MEGF10: variants seen among roughly 807,000 people sequenced by gnomAD.
MEGF10 encodes the protein multiple epidermal growth factor-like domains protein 10.
Under a neutral mutation model 147.5 loss-of-function variants are expected in MEGF10, and 86 were observed. The ratio of observed to expected loss-of-function variants is 0.58; its 90% CI spans 0.49 to 0.70. The LOEUF is 0.70. Ranked by LOEUF, MEGF10 falls within the 30% of genes least tolerant of loss-of-function variation. The pLI is 0.00. For missense variants in MEGF10, 1,329 were observed against 1,487.3 expected (o/e 0.89, Z 1.75); for synonymous variants, 478 against 525.5 (o/e 0.91, Z 1.24).
chr5:127,444,785 G>C (rs978540483), intron 19 of MEGF10: 2 of 152,468 alleles, frequency 1.3e-5, no homozygotes, highest in Non-Finnish European at 2.9e-5. Flanking sequence ...AATATCTTCT[G>C]AGGTAAAAGA....
chr5:127,349,960 A>G (rs934819112), intron 4 of MEGF10, among the ~76,000 whole-genome samples: 36 of 152,182 alleles, frequency 2.4e-4, no homozygotes, highest in African/African-American at 8.0e-4. Flanking sequence ...CCTAAGTACC[A>G]TGATAACTGA....
At chr5:127,292,111 A>G (rs1207849187) in intron 1 of MEGF10, among the ~76,000 whole-genome samples, 1 of 152,166 alleles carries the variant, frequency 6.6e-6, no homozygotes, top group Non-Finnish European at 1.5e-5. Context: ...TATTATCCAG[A>G]AATGTCATCT....
chr5:127,301,102 C>G (rs775487017), intron 1 of MEGF10, among the ~76,000 whole-genome samples: 7 of 152,174 alleles, frequency 4.6e-5, no homozygotes, highest in Non-Finnish European at 8.8e-5. Flanking sequence ...ATTTCTCTAA[C>G]TGGGATGAGT....
chr5:127,340,922 A>G (rs1455691902), intron 4 of MEGF10, among the ~76,000 whole-genome samples: 1 of 152,148 alleles, frequency 6.6e-6, no homozygotes, highest in Non-Finnish European at 1.5e-5. Flanking sequence ...TAAATGTCTC[A>G]TTGGAAATTG....
chr5:127,360,521 A>G (rs1762431163), intron 4 of MEGF10, among the ~76,000 whole-genome samples: 1 of 151,912 alleles, frequency 6.6e-6, no homozygotes, highest in African/African-American at 2.4e-5. Context: ...ATCATGCTGA[A>G]TAGAAATTGT....
intron 4 of MEGF10, among the ~76,000 whole-genome samples, chr5:127,358,839 T>G (rs1762370108): frequency 6.6e-6 from 1 of 152,104 alleles, no homozygotes; most frequent in Non-Finnish European, 1.5e-5. Context: ...TTTTAGTCCA[T>G]TAAGGTCATG....
At chr5:127,370,958 T>A (rs768506350) in intron 5 of MEGF10, among the ~76,000 whole-genome samples, 1 of 152,232 alleles carries the variant, frequency 6.6e-6, no homozygotes, top group Non-Finnish European at 1.5e-5. Flanking sequence ...CCAAGTAATT[T>A]TTTGAAATTA....
intron 4 of MEGF10, 46 bp downstream of exon 4, chr5:127,340,676 T>G (rs755367117): frequency 1.3e-6 from 2 of 1,514,200 alleles, no homozygotes; most frequent in South Asian, 1.1e-5. Context: ...TTTTTCCCAG[T>G]GCTGGTTTGC....
intron 1 of MEGF10, among the ~76,000 whole-genome samples, chr5:127,325,197 G>T (rs918734793): frequency 6.6e-6 from 1 of 152,124 alleles, no homozygotes; most frequent in Non-Finnish European, 1.5e-5. Context: ...CATAGCTCTT[G>T]TTGGCTTCCT....
chr5:127,290,066 A>G (rs10519929), upstream of MEGF10, among the ~76,000 whole-genome samples: 10,171 of 152,194 alleles, frequency 0.067, 435 homozygotes, highest in African/African-American at 0.12. Context: ...TGGTTTTAAC[A>G]TTCCATCACT....
At chr5:127,357,979 C>A (rs74384421) in intron 4 of MEGF10, among the ~76,000 whole-genome samples, 1 of 152,082 alleles carries the variant, frequency 6.6e-6, no homozygotes, top group Non-Finnish European at 1.5e-5. Context: ...ATCCATGTGG[C>A]CTCTGAAGGC....
chr5:127,453,447 A>T (rs559816549), intron 22 of MEGF10, among the ~76,000 whole-genome samples: 1 of 152,330 alleles, frequency 6.6e-6, no homozygotes, highest in South Asian at 2.1e-4. Context: ...TGAGCGTTAG[A>T]GTAATTGACA....
rs770250098 is a variant in MEGF10 at position 127,410,513 on chromosome 5, G to A, written c.1042G>A (p.Glu348Lys). ...ACLCEAGFAG[E>K]RCEARLCPEG... The stretch of plus-strand genomic sequence containing the variant: ...CCTCTGTGAAGCAGGCTTTGCTGGC[G>A]AGCGCTGCGAAGCACGCCTGTGTCC... Residue 348 changes from glutamate to lysine, a missense_variant, in exon 9 of 25, where the codon GAG becomes AAG. By Grantham distance (56) the Glu-to-Lys change is moderately conservative. This residue lies in a region of MEGF10 where 980 missense variants were observed against 1,085.9 expected (regional missense o/e 0.90). Transcript: ENST00000503335. 5.6e-6 allele frequency: 9 copies of A among 1,613,826 alleles called. No individual in the cohort carries two copies. The highest frequency in any genetic ancestry group is 4.5e-5 in the East Asian group (2 of 44,904).
At chr5:127,343,801 A>T (rs1055630006) in intron 4 of MEGF10, among the ~76,000 whole-genome samples, 1 of 151,818 alleles carries the variant, frequency 6.6e-6, no homozygotes, top group Non-Finnish European at 1.5e-5. Flanking sequence ...AAAAAAAGTC[A>T]TCTTCTCTAG....
intron 18 of MEGF10, 92 bp downstream of exon 18, chr5:127,440,959 C>T (rs1167040957): frequency 6.6e-7 from 1 of 1,510,266 alleles, no homozygotes; most frequent in East Asian, 2.3e-5. Context: ...CAGAATTCAC[C>T]ACTCCGAGGT....
intron 5 of MEGF10, among the ~76,000 whole-genome samples, chr5:127,385,599 T>C (rs1465335363): frequency 6.6e-6 from 1 of 152,226 alleles, no homozygotes; most frequent in East Asian, 1.9e-4. Flanking sequence ...AAGGCATATG[T>C]AGTGTTAGTT....
chr5:127,318,262 C>G (rs1405395492), intron 1 of MEGF10, among the ~76,000 whole-genome samples: 1 of 152,110 alleles, frequency 6.6e-6, no homozygotes, highest in Non-Finnish European at 1.5e-5. Context: ...AAATAAATTT[C>G]TGCTGTTTTT....
chr5:127,367,073 G>A (rs1463015760), intron 4 of MEGF10, among the ~76,000 whole-genome samples: 1 of 152,136 alleles, frequency 6.6e-6, no homozygotes, highest in East Asian at 1.9e-4. Flanking sequence ...GTTGATTCAG[G>A]TGGAACTCAA....
rs1204696743 is a variant in MEGF10, at chr5:127,331,407, G to A, written c.99G>A (p.Val33=). Residue 33 remains valine (V), a synonymous_variant, in exon 2 of 25, where the codon GTG becomes GTA. Coordinates refer to ENST00000503335, the MANE Select transcript of MEGF10 (RefSeq NM_001256545.2). ...CTCTGAATCTTGAAGACCCTAATGT[G>A]TGTAGCCACTGGGAAAGGTAATGGT... The part of the protein sequence containing the change: ...ASPLNLEDPN[V]CSHWESYSVT... 5.0e-6 allele frequency: 8 copies of A among 1,605,786 alleles called. No individual in the cohort carries two copies. Among genetic ancestry groups the A allele is most frequent in the African/African-American group, 1.3e-5 (1 of 74,654 alleles).
Sources: gnomAD v4.1 joint callset for allele counts (sites outside exome capture counted in the v4.1 genomes callset) on GRCh38, gnomAD v4.1.1 for gene constraint, gnomAD v4.1.1 regional missense constraint, MANE v1.5 for transcripts, NCBI Gene and HGNC (gene_info 2026-07-23, HGNC 2026-07-21) for gene names.